Variants in GALNT13 observed in about 807,000 individuals in gnomAD.
The protein encoded by GALNT13 is UDP-GalNAc:polypeptide N-acetylgalactosaminyltransferase 13.
GALNT13 carries 28 observed loss-of-function variants against 64.2 expected under a neutral mutation model. The ratio of observed to expected loss-of-function variants is 0.44; its 90% CI spans 0.32 to 0.60. GALNT13 has a LOEUF of 0.60. Among genes scored for constraint, GALNT13 ranks in the 20% least tolerant of loss-of-function variants. The pLI is 0.05. For synonymous variants in GALNT13, 214 were observed against 224.6 expected (o/e 0.95, Z 0.42); for missense variants, 577 against 669.8 (o/e 0.86, Z 1.53).
At chr2:153,385,753 T>C in the GALNT13 span, among the ~76,000 whole-genome samples, 2 of 152,132 alleles carry the variant, frequency 1.3e-5, no homozygotes, top group East Asian at 1.9e-4. Context: ...CTTGAGGAGA[T>C]GGACACCCCA....
the GALNT13 span, among the ~76,000 whole-genome samples, chr2:153,607,383 A>T: frequency 6.6e-6 from 1 of 152,080 alleles, no homozygotes. Flanking sequence ...GTCCACCATC[A>T]TGATATATGT....
chr2:154,374,239 A>G (rs1021610489), intron 9 of GALNT13, among the ~76,000 whole-genome samples: 1 of 152,236 alleles, frequency 6.6e-6, no homozygotes, highest in Non-Finnish European at 1.5e-5. Flanking sequence ...TTCGGTAAGC[A>G]TCATTCAAAT....
chr2:153,283,758 T>G, the GALNT13 span, among the ~76,000 whole-genome samples: 1 of 152,178 alleles, frequency 6.6e-6, no homozygotes, highest in African/African-American at 2.4e-5. Context: ...AAGGCCATTC[T>G]GGCTGCTGAT....
At chr2:153,463,425 G>T in the GALNT13 span, among the ~76,000 whole-genome samples, 1 of 151,968 alleles carries the variant, frequency 6.6e-6, no homozygotes, top group Admixed American at 6.6e-5. Flanking sequence ...AATTAGATTT[G>T]TAAATACAGG....
chr2:153,788,108 T>G, the GALNT13 span, among the ~76,000 whole-genome samples: 1 of 151,916 alleles, frequency 6.6e-6, no homozygotes, highest in African/African-American at 2.4e-5. Context: ...TTGGGCCCAT[T>G]CAAAAATAGA....
the GALNT13 span, among the ~76,000 whole-genome samples, chr2:153,772,762 C>T: frequency 6.6e-6 from 1 of 152,172 alleles, no homozygotes; most frequent in Admixed American, 6.5e-5. Context: ...GACAGCCACT[C>T]CTCTGGCTTT....
intron 3 of GALNT13, among the ~76,000 whole-genome samples, chr2:154,091,411 G>A (rs1007323075): frequency 1.3e-5 from 2 of 151,622 alleles, no homozygotes; most frequent in Non-Finnish European, 2.9e-5. Flanking sequence ...GATTATGATG[G>A]CTAAAAACTC....
chr2:153,254,738 T>C, the GALNT13 span, among the ~76,000 whole-genome samples: 1 of 152,212 alleles, frequency 6.6e-6, no homozygotes, highest in Non-Finnish European at 1.5e-5. Flanking sequence ...CCAGTAATCA[T>C]TCAGGAGCAG....
the GALNT13 span, among the ~76,000 whole-genome samples, chr2:153,117,196 G>T: frequency 1.3e-5 from 2 of 152,074 alleles, no homozygotes; most frequent in African/African-American, 4.8e-5. Context: ...TGAAACACAG[G>T]CCTCTTTGAT....
At chr2:153,756,100 C>T in the GALNT13 span, among the ~76,000 whole-genome samples, 284 of 152,140 alleles carry the variant, frequency 1.9e-3, 1 homozygote, top group African/African-American at 5.8e-3. Context: ...GGTAAGTACA[C>T]ATTATGTCTT....
chr2:154,031,443 A>C (rs879550239), intron 3 of GALNT13, among the ~76,000 whole-genome samples: 2 of 152,058 alleles, frequency 1.3e-5, no homozygotes, highest in Admixed American at 6.6e-5. Flanking sequence ...TAGTCTAAAC[A>C]CATTAATTTA....
chr2:153,187,790 A>G, the GALNT13 span, among the ~76,000 whole-genome samples: 1 of 152,222 alleles, frequency 6.6e-6, no homozygotes, highest in Non-Finnish European at 1.5e-5. Context: ...ATATTAAAAG[A>G]AAATTACGAT....
chr2:153,128,889 A>T, the GALNT13 span, among the ~76,000 whole-genome samples: 1 of 151,696 alleles, frequency 6.6e-6, no homozygotes, highest in Non-Finnish European at 1.5e-5. Context: ...ATCAGATCTC[A>T]TGAGATTTAC....
chr2:153,845,388 G>A, the GALNT13 span, among the ~76,000 whole-genome samples: 2 of 152,152 alleles, frequency 1.3e-5, no homozygotes, highest in Non-Finnish European at 2.9e-5. Flanking sequence ...CATGGTAAAA[G>A]CAGGAGCAAG....
At chr2:153,612,218 G>A in the GALNT13 span, among the ~76,000 whole-genome samples, 5 of 152,226 alleles carry the variant, frequency 3.3e-5, no homozygotes, top group South Asian at 1.0e-3. Context: ...TGGAGAAATA[G>A]GAATGTTTTA....
At chr2:153,408,359 C>T in the GALNT13 span, among the ~76,000 whole-genome samples, 2 of 151,910 alleles carry the variant, frequency 1.3e-5, no homozygotes, top group Non-Finnish European at 2.9e-5. Flanking sequence ...TATGATCAAG[C>T]TACACCACCA....
intron 3 of GALNT13, among the ~76,000 whole-genome samples, chr2:153,993,862 G>T (rs1048734175): frequency 6.6e-6 from 1 of 151,780 alleles, no homozygotes; most frequent in Admixed American, 6.6e-5. Flanking sequence ...TACTTAGATC[G>T]TTTTTCTTTT....
chr2:153,099,339 G>T, the GALNT13 span, among the ~76,000 whole-genome samples: 1 of 152,124 alleles, frequency 6.6e-6, no homozygotes, highest in African/African-American at 2.4e-5. Flanking sequence ...GATTAAAAAT[G>T]ATCAAAATGA....
At chr2:153,455,286 T>C in the GALNT13 span, among the ~76,000 whole-genome samples, 1 of 152,168 alleles carries the variant, frequency 6.6e-6, no homozygotes. Context: ...GTAAAATCCT[T>C]TTATGGGATG....
Sources: allele counts gnomAD v4.1 joint callset (sites outside exome capture counted in the v4.1 genomes callset), GRCh38; gene constraint gnomAD v4.1.1; transcripts MANE v1.5; gene names NCBI Gene and HGNC (gene_info 2026-07-23, HGNC 2026-07-21).